Variants in RSU1 observed in about 807,000 individuals in gnomAD.
RSU1 encodes the protein rsu-1.
Under a neutral mutation model 31.1 loss-of-function variants are expected in RSU1, and 26 were observed. The observed-to-expected ratio is 0.84, with a 90% CI of 0.61 to 1.16. The LOEUF (loss-of-function observed/expected upper bound fraction) is 1.16. RSU1 is among the 50% of genes most tolerant of loss of function. The probability of loss-of-function intolerance (pLI) is 0.00; values close to 1 mark genes in which losing one functional copy is unlikely to be tolerated. For missense variants in RSU1, 320 were observed against 339.1 expected (o/e 0.94, Z 0.44); for synonymous variants, 164 against 136.3 (o/e 1.20, Z -1.41).
At chr10:16,806,361 A>G (rs1261752527) in intron 2 of RSU1, among the ~76,000 whole-genome samples, 2 of 152,184 alleles carry the variant, frequency 1.3e-5, no homozygotes, top group Non-Finnish European at 2.9e-5. Context: ...AGAAACCAGT[A>G]AGGCAAAACA....
At chr10:16,659,233 C>A (rs1286112456) in intron 8 of RSU1, among the ~76,000 whole-genome samples, 1 of 149,388 alleles carries the variant, frequency 6.7e-6, no homozygotes, top group Non-Finnish European at 1.5e-5. Flanking sequence ...ATTTATTAAT[C>A]TTTCCTTTAC....
chr10:16,606,677 G>A (rs1173415489), intron 8 of RSU1, among the ~76,000 whole-genome samples: 2 of 152,282 alleles, frequency 1.3e-5, no homozygotes, highest in South Asian at 2.1e-4. Flanking sequence ...GCAATATCAC[G>A]TGAAGGAAAC....
intron 8 of RSU1, among the ~76,000 whole-genome samples, chr10:16,678,830 A>C (rs778102523): frequency 6.6e-6 from 1 of 152,154 alleles, no homozygotes; most frequent in Non-Finnish European, 1.5e-5. Flanking sequence ...CCTATCCTTC[A>C]GGAATATTCC....
chr10:16,736,380 G>A (rs183793094), intron 7 of RSU1, among the ~76,000 whole-genome samples: 23 of 152,252 alleles, frequency 1.5e-4, no homozygotes, highest in Admixed American at 2.0e-4. Flanking sequence ...AGAGAGTAAC[G>A]ATGTTACTAA....
chr10:16,640,228 T>C (rs1300065090), intron 8 of RSU1, among the ~76,000 whole-genome samples: 11 of 152,174 alleles, frequency 7.2e-5, no homozygotes, highest in South Asian at 2.1e-4. Flanking sequence ...CCTGTATTTA[T>C]TTTGCCTGTG....
intron 8 of RSU1, among the ~76,000 whole-genome samples, chr10:16,625,980 C>A (rs1020183488): frequency 1.3e-5 from 2 of 152,030 alleles, no homozygotes; most frequent in African/African-American, 2.4e-5. Context: ...AACACTGGGG[C>A]ATGGTATTAC....
chr10:16,643,807 G>A (rs7094363), intron 8 of RSU1, among the ~76,000 whole-genome samples: 55,078 of 151,678 alleles, frequency 0.36, 11,862 homozygotes, highest in African/African-American at 0.6. Context: ...AGCCCTTCAT[G>A]TCTGCAAGCC....
chr10:16,662,225 C>T lies in RSU1; in HGVS notation c.731+32798G>A, dbSNP rs145504425. Among the ~76,000 whole-genome samples, 56 of 152,304 alleles carry T rather than the reference C, an allele frequency of 3.7e-4. No individual in the cohort carries two copies. The East Asian group carries it at 7.9e-3, about 22-fold the overall frequency. ...CAATACATTGATCAGATTGGCACTC[C>T]TATTTTTACAAGACAAAGAATTTTC... On this transcript the variant is annotated intron_variant, in intron 8 of 8. Coordinates refer to ENST00000345264, the MANE Select transcript of RSU1 (RefSeq NM_012425.4).
At position 16,813,016 on chromosome 10, in the gene RSU1, T is replaced by C. The variant is rs200050802; in HGVS notation, c.109+3957A>G. Among the ~76,000 whole-genome samples, 8 of 151,938 alleles carry C rather than the reference T, an allele frequency of 5.3e-5. No homozygotes were observed. The East Asian group carries it at 1.5e-3, about 29-fold the overall frequency. On this transcript the variant is annotated intron_variant, in intron 2 of 8. Coordinates refer to ENST00000345264, the MANE Select transcript of RSU1 (RefSeq NM_012425.4). Reference sequence around the variant, plus strand: ...TTTTTTTTTAAGAGACAAGGTCTTGTTCTGTCACCTAGTAACACGATCATA... The same window carrying C: ...TTTTTTTTTAAGAGACAAGGTCTTGCTCTGTCACCTAGTAACACGATCATA...
chr10:16,752,924 C>G lies in RSU1; in HGVS notation c.477G>C (p.Leu159Phe). ...ATTTAGATAAATTACTTACTATCTG[C>G]AACTTTGTGAGCTTCCCAATATCTG... ...LPPDIGKLTKLQILSLRDNDL... is the reference protein window; with the variant it reads ...LPPDIGKLTKFQILSLRDNDL... Residue 159 changes from leucine to phenylalanine, a missense_variant, in exon 6 of 9, where the codon TTG becomes TTC. Transcript: ENST00000345264. 6.2e-7 allele frequency: 1 copy of G among 1,613,644 alleles called. No homozygotes were observed. Among genetic ancestry groups the G allele is most frequent in the Non-Finnish European group, 8.5e-7 (1 of 1,179,548 alleles).
chr10:16,706,151 T>C (rs1198877125), intron 7 of RSU1, among the ~76,000 whole-genome samples: 3 of 152,230 alleles, frequency 2.0e-5, no homozygotes, highest in Non-Finnish European at 4.4e-5. Context: ...TTCGGGAATA[T>C]ACTCAGAAGT....
intron 2 of RSU1, among the ~76,000 whole-genome samples, chr10:16,805,633 G>C (rs1433364421): frequency 1.5e-5 from 2 of 135,344 alleles, no homozygotes; most frequent in Non-Finnish European, 3.0e-5. Flanking sequence ...CGGAGATCAC[G>C]CCACTGCACT....
At chr10:16,762,740 C>T (rs1447442453) in intron 4 of RSU1, among the ~76,000 whole-genome samples, 1 of 152,056 alleles carries the variant, frequency 6.6e-6, no homozygotes, top group Non-Finnish European at 1.5e-5. Context: ...ATTATATTGG[C>T]AAATACGGCC....
intron 8 of RSU1, among the ~76,000 whole-genome samples, chr10:16,681,952 T>C (rs1048886622): frequency 1.4e-4 from 22 of 152,282 alleles, no homozygotes; most frequent in Middle Eastern, 6.8e-3. Context: ...GAAGAGTCAC[T>C]GTGTCTTTAC....
chr10:16,708,134 C>T (rs551702061), intron 7 of RSU1, among the ~76,000 whole-genome samples: 2 of 152,174 alleles, frequency 1.3e-5, no homozygotes, highest in Admixed American at 6.6e-5. Context: ...GTAGCAGTGA[C>T]CCTTGAACAA....
intron 7 of RSU1, among the ~76,000 whole-genome samples, chr10:16,731,286 C>A (rs577043909): frequency 4.3e-4 from 65 of 151,910 alleles, no homozygotes; most frequent in Admixed American, 9.2e-4. Flanking sequence ...AAAAATTAGC[C>A]GGGCGCGGGG....
At chr10:16,607,526 G>C (rs1833824373) in intron 8 of RSU1, among the ~76,000 whole-genome samples, 1 of 152,164 alleles carries the variant, frequency 6.6e-6, no homozygotes, top group African/African-American at 2.4e-5. Flanking sequence ...AACAGAAAAA[G>C]GAGGTGTGTG....
intron 8 of RSU1, among the ~76,000 whole-genome samples, chr10:16,637,280 G>C (rs11254119): frequency 7.9e-5 from 12 of 152,050 alleles, no homozygotes; most frequent in Non-Finnish European, 1.6e-4. Context: ...ACATGCCACT[G>C]TGAGTGTAAA....
At chr10:16,614,895 T>C (rs1271508262) in intron 8 of RSU1, among the ~76,000 whole-genome samples, 1 of 151,772 alleles carries the variant, frequency 6.6e-6, no homozygotes, top group Admixed American at 6.6e-5. Flanking sequence ...GCACTAAATA[T>C]GGAAAGGAAA....
Sources: gnomAD v4.1 joint callset for allele counts (sites outside exome capture counted in the v4.1 genomes callset) on GRCh38, gnomAD v4.1.1 for gene constraint, MANE v1.5 for transcripts, NCBI Gene and HGNC (gene_info 2026-07-23, HGNC 2026-07-21) for gene names.